The following TBC1D19 variants were observed in gnomAD, a reference collection of about 807,000 sequenced individuals.
TBC1D19 encodes TBC1 domain family, member 19.
Under a neutral mutation model 89.0 loss-of-function variants are expected in TBC1D19, and 60 were observed. That is an observed-to-expected ratio of 0.67 (90% CI 0.55 to 0.84). The LOEUF is 0.84. Ranked by LOEUF, TBC1D19 falls within the 40% of genes least tolerant of loss-of-function variation. The pLI is 0.00. For synonymous variants in TBC1D19, 189 were observed against 199.7 expected, an observed-to-expected ratio of 0.95 and a Z score of 0.45; for missense variants, 500 against 610.8, an observed-to-expected ratio of 0.82 and a Z score of 1.91.
At chr4:26,685,859 G>A (rs1016199332) in intron 12 of TBC1D19, among the ~76,000 whole-genome samples, 2 of 152,132 alleles carry the variant, frequency 1.3e-5, no homozygotes, top group African/African-American at 4.8e-5. Context: ...AAACTCACAC[G>A]TGAAAAAGCT....
the TBC1D19 span, among the ~76,000 whole-genome samples, chr4:26,776,462 G>A: frequency 1.3e-5 from 2 of 152,056 alleles, no homozygotes; most frequent in African/African-American, 4.8e-5. Context: ...TCCCAATTTT[G>A]CACTATGTCT....
At chr4:26,722,451 A>G (rs867237867) in intron 15 of TBC1D19, among the ~76,000 whole-genome samples, 5 of 152,182 alleles carry the variant, frequency 3.3e-5, no homozygotes, top group African/African-American at 1.2e-4. Context: ...AAATAGAAGC[A>G]TGGAAAAGGC....
intron 7 of TBC1D19, among the ~76,000 whole-genome samples, chr4:26,654,283 C>G (rs1485118172): frequency 6.6e-6 from 1 of 152,142 alleles, no homozygotes; most frequent in Non-Finnish European, 1.5e-5. Flanking sequence ...GTAACCCAAC[C>G]TTTCTCTCTG....
At chr4:26,657,165 C>A (rs1402162327) in intron 7 of TBC1D19, among the ~76,000 whole-genome samples, 3 of 151,246 alleles carry the variant, frequency 2.0e-5, no homozygotes, top group Non-Finnish European at 2.9e-5. Context: ...ATACATGTGC[C>A]ATGGTGGTTT....
chr4:26,852,744 C>T, the TBC1D19 span, among the ~76,000 whole-genome samples: 2 of 152,028 alleles, frequency 1.3e-5, no homozygotes, highest in South Asian at 2.1e-4. Context: ...CTCAGCCTCC[C>T]GAGTAGCTGG....
chr4:26,771,311 C>T, the TBC1D19 span, among the ~76,000 whole-genome samples: 1 of 152,030 alleles, frequency 6.6e-6, no homozygotes. Flanking sequence ...ATAGAACTAC[C>T]ATACAATCCA....
intron 15 of TBC1D19, among the ~76,000 whole-genome samples, chr4:26,732,103 G>A (rs114210990): frequency 0.025 from 3,836 of 152,136 alleles, 56 homozygotes; most frequent in Non-Finnish European, 0.035. Flanking sequence ...TTGGCTGAAA[G>A]GATGCAGTGA....
chr4:26,740,552 G>C (rs1168201407), intron 17 of TBC1D19: 2 of 684,492 alleles, frequency 2.9e-6, no homozygotes, highest in Non-Finnish European at 1.8e-6. Context: ...TACAATATAA[G>C]AATCAAGGAA....
chr4:26,678,441 C>T (rs1007871270), intron 11 of TBC1D19, among the ~76,000 whole-genome samples: 13 of 151,896 alleles, frequency 8.6e-5, no homozygotes, highest in Middle Eastern at 3.4e-3. Flanking sequence ...GGGGAAAGAG[C>T]GAGGTATTGA....
chr4:26,797,122 C>T, the TBC1D19 span, among the ~76,000 whole-genome samples: 1 of 152,072 alleles, frequency 6.6e-6, no homozygotes, highest in Non-Finnish European at 1.5e-5. Context: ...TGATTGTATA[C>T]CTAGAAAACT....
the TBC1D19 span, among the ~76,000 whole-genome samples, chr4:26,809,461 T>A: frequency 6.6e-6 from 1 of 152,266 alleles, no homozygotes; most frequent in Non-Finnish European, 1.5e-5. Context: ...GGGAAACCTC[T>A]TTCCCTTTTT....
chr4:26,833,737 G>A, the TBC1D19 span, among the ~76,000 whole-genome samples: 2 of 152,224 alleles, frequency 1.3e-5, no homozygotes, highest in African/African-American at 4.8e-5. Flanking sequence ...TTGCCTCTTA[G>A]TGGCTAGCCA....
intron 1 of TBC1D19, among the ~76,000 whole-genome samples, chr4:26,612,368 T>G (rs1324715673): frequency 1.3e-5 from 2 of 151,972 alleles, no homozygotes; most frequent in African/African-American, 4.8e-5. Flanking sequence ...TTGGAAGATC[T>G]GGTAAATGGT....
intron 13 of TBC1D19, among the ~76,000 whole-genome samples, chr4:26,717,362 C>T (rs1252954008): frequency 6.6e-6 from 1 of 152,006 alleles, no homozygotes; most frequent in African/African-American, 2.4e-5. Context: ...CATCCTTGAT[C>T]CTGACTTTCT....
intron 12 of TBC1D19, among the ~76,000 whole-genome samples, chr4:26,684,453 T>C (rs1176931566): frequency 6.6e-6 from 1 of 152,192 alleles, no homozygotes; most frequent in East Asian, 1.9e-4. Flanking sequence ...CCCCACTCTT[T>C]AGTCCTGTCA....
At chr4:26,585,637 G>A (rs1475299079) in intron 1 of TBC1D19, among the ~76,000 whole-genome samples, 2 of 151,614 alleles carry the variant, frequency 1.3e-5, no homozygotes, top group Non-Finnish European at 2.9e-5. Context: ...TGGCTGGAGT[G>A]CAGTGGTGTG....
intron 12 of TBC1D19, among the ~76,000 whole-genome samples, chr4:26,685,083 G>A (rs558794332): frequency 2.8e-4 from 42 of 152,298 alleles, no homozygotes; most frequent in Non-Finnish European, 5.0e-4. Flanking sequence ...GGTGGCCTGG[G>A]AGAAGAATCA....
chr4:26,594,056 C>G (rs1376311166), intron 1 of TBC1D19, among the ~76,000 whole-genome samples: 1 of 152,138 alleles, frequency 6.6e-6, no homozygotes, highest in African/African-American at 2.4e-5. Context: ...TTTATCGCGG[C>G]ACTATTCACA....
At chr4:26,777,981 G>A in the TBC1D19 span, among the ~76,000 whole-genome samples, 1 of 152,024 alleles carries the variant, frequency 6.6e-6, no homozygotes, top group African/African-American at 2.4e-5. Context: ...GCTGAGGTGG[G>A]GGGATTGCTT....
Sources: gnomAD v4.1 joint callset for allele counts (sites outside exome capture counted in the v4.1 genomes callset) on GRCh38, gnomAD v4.1.1 for gene constraint, MANE v1.5 for transcripts, NCBI Gene and HGNC (gene_info 2026-07-23, HGNC 2026-07-21) for gene names.